Variants in FGF14 observed in about 807,000 individuals in gnomAD.
The protein encoded by FGF14 is fibroblast growth factor 14, also known as fibroblast growth factor homologous factor 4.
Under a neutral mutation model 25.5 loss-of-function variants are expected in FGF14, and 5 were observed. The ratio of observed to expected loss-of-function variants is 0.20; its 90% CI spans 0.10 to 0.41. The LOEUF (loss-of-function observed/expected upper bound fraction) is 0.41. Ranked by LOEUF, FGF14 falls within the 10% of genes least tolerant of loss-of-function variation. The pLI is 1.00. For synonymous variants in FGF14, 138 were observed against 118.3 expected (o/e 1.17, Z -1.08); for missense variants, 222 against 320.1 (o/e 0.69, Z 2.34).
chr13:101,984,768 C>T (rs750705707), intron 1 of FGF14, among the ~76,000 whole-genome samples: 18 of 152,112 alleles, frequency 1.2e-4, no homozygotes, highest in Non-Finnish European at 2.2e-4. Context: ...CTAAATTACA[C>T]TGAAGACAAG....
chr13:102,191,222 A>T (rs968828853), intron 1 of FGF14, among the ~76,000 whole-genome samples: 7 of 152,248 alleles, frequency 4.6e-5, no homozygotes, highest in African/African-American at 1.7e-4. Context: ...AGGCATCTAT[A>T]AAATTTGGGC....
chr13:102,340,382 T>C (rs184675252), intron 1 of FGF14, among the ~76,000 whole-genome samples: 4 of 152,180 alleles, frequency 2.6e-5, no homozygotes, highest in Admixed American at 2.0e-4. Flanking sequence ...TCTTTTGAGT[T>C]ACATCTAGGA....
intron 3 of FGF14, among the ~76,000 whole-genome samples, chr13:101,778,167 T>C (rs911116280): frequency 2.0e-5 from 3 of 152,162 alleles, no homozygotes; most frequent in African/African-American, 7.2e-5. Flanking sequence ...GTGGTTATAA[T>C]GTTATTTTAC....
chr13:102,191,150 A>C (rs1273704139), intron 1 of FGF14, among the ~76,000 whole-genome samples: 2 of 152,190 alleles, frequency 1.3e-5, no homozygotes, highest in African/African-American at 4.8e-5. Context: ...CCTTGTAAAC[A>C]ACCTTTCCCC....
intron 1 of FGF14, among the ~76,000 whole-genome samples, chr13:101,972,736 C>G (rs1051648665): frequency 6.6e-6 from 1 of 152,134 alleles, no homozygotes; most frequent in Non-Finnish European, 1.5e-5. Context: ...CTCGAACTCC[C>G]CAGCTCAAGC....
intron 1 of FGF14, among the ~76,000 whole-genome samples, chr13:102,220,581 C>G (rs1226922090): frequency 6.6e-6 from 1 of 152,202 alleles, no homozygotes; most frequent in East Asian, 1.9e-4. Flanking sequence ...CTTAGTTAGT[C>G]TTCCCTGTCT....
chr13:102,329,565 C>G (rs746836435), intron 1 of FGF14, among the ~76,000 whole-genome samples: 1 of 152,108 alleles, frequency 6.6e-6, no homozygotes, highest in African/African-American at 2.4e-5. Context: ...ATCAATCTAC[C>G]CAAGAGTATT....
At chr13:102,054,173 C>T (rs55978317) in intron 1 of FGF14, among the ~76,000 whole-genome samples, 7,858 of 152,144 alleles carry the variant, frequency 0.052, 228 homozygotes, top group Middle Eastern at 0.065. Context: ...AATACTGAGT[C>T]ACTTTTTAAA....
At chr13:102,394,056 TGTA>T (rs2058501605) in intron 1 of FGF14, among the ~76,000 whole-genome samples, 1 of 152,312 alleles carries the variant, frequency 6.6e-6, no homozygotes, top group Admixed American at 6.5e-5. Flanking sequence ...ATATCCTTCT[TGTA>T]GTAGCCGAGG....
In FGF14 at chr13:101,847,441, A is replaced by G. The variant is rs545263771; in HGVS notation, c.408+21284T>C. On this transcript the variant is annotated intron_variant, in intron 3 of 4. Coordinates refer to ENST00000376143, the MANE Select transcript of FGF14 (RefSeq NM_004115.4). Reference sequence around the variant, plus strand: ...CTTAGCTCTTTTATCTCTGAATCAGAAATGGGAACAAATGTAATAGACAGT... The same window carrying G: ...CTTAGCTCTTTTATCTCTGAATCAGGAATGGGAACAAATGTAATAGACAGT... Among the ~76,000 whole-genome samples, 8 of 152,232 alleles carry G rather than the reference A, an allele frequency of 5.3e-5. No individual in the cohort carries two copies. The South Asian group carries it at 1.7e-3, about 32-fold the overall frequency.
intron 1 of FGF14, among the ~76,000 whole-genome samples, chr13:102,001,625 T>G (rs1445612694): frequency 6.6e-6 from 1 of 152,192 alleles, no homozygotes; most frequent in African/African-American, 2.4e-5. Context: ...ATATACTATT[T>G]ACATTACATT....
intron 3 of FGF14, among the ~76,000 whole-genome samples, chr13:101,856,122 G>GA (rs1440482917): frequency 6.6e-6 from 1 of 151,546 alleles, no homozygotes; most frequent in African/African-American, 2.4e-5. Flanking sequence ...GGCATCTGTG[G>GA]AAAAAATTTC....
Position 101,875,183 on chromosome 13 carries a change from T to C in FGF14, c.304+3A>G, listed in dbSNP as rs1377395564. The C allele has an allele frequency of 6.2e-7, 1 of 1,604,994 alleles. No individual in the cohort carries two copies. The highest frequency in any genetic ancestry group is 1.3e-5 in the African/African-American group (1 of 74,858). On this transcript the variant is annotated splice_donor_region_variant and intron_variant, in intron 2 of 4. Transcript: ENST00000376143. ...TAACTGGTGGCCTGAGGTTGTCACT[T>C]ACTAGAATTAGTGCTGTCATCCTTG...
intron 1 of FGF14, among the ~76,000 whole-genome samples, chr13:101,899,468 T>C (rs1425185807): frequency 1.3e-5 from 2 of 151,896 alleles, no homozygotes; most frequent in South Asian, 2.1e-4. Context: ...AAAAATATAA[T>C]ACTGGAAAGG....
rs2140401550 is a variant in FGF14, at chr13:101,858,857, A to G, written c.408+9868T>C. Among the ~76,000 whole-genome samples, 3 of 152,222 alleles carry G rather than the reference A, an allele frequency of 2.0e-5. No homozygotes were observed. The South Asian group carries it at 6.2e-4, about 32-fold the overall frequency. On this transcript the variant is annotated intron_variant, in intron 3 of 4. Coordinates refer to ENST00000376143, the MANE Select transcript of FGF14 (RefSeq NM_004115.4). ...TAATGCTCTTGCTTTAAAACGTTCA[A>G]GTTTAAGTGGTGGCAACATTTACTA...
At chr13:102,171,675 TC>T (rs1421309271) in intron 1 of FGF14, among the ~76,000 whole-genome samples, 1 of 152,166 alleles carries the variant, frequency 6.6e-6, no homozygotes, top group African/African-American at 2.4e-5. Context: ...GACAGTGCAT[TC>T]TTTTTTTCTG....
At chr13:101,996,168 T>C (rs1322450565) in intron 1 of FGF14, among the ~76,000 whole-genome samples, 1 of 152,106 alleles carries the variant, frequency 6.6e-6, no homozygotes, top group Non-Finnish European at 1.5e-5. Flanking sequence ...TAAAAATAAA[T>C]AAAATCTTAT....
At chr13:102,190,163 C>G (rs1481283364) in intron 1 of FGF14, among the ~76,000 whole-genome samples, 1 of 152,204 alleles carries the variant, frequency 6.6e-6, no homozygotes, top group Non-Finnish European at 1.5e-5. Flanking sequence ...GAAACTTCCT[C>G]TAGTTGTTTC....
chr13:101,777,382 G>A (rs1027958477), intron 3 of FGF14, among the ~76,000 whole-genome samples: 4 of 152,116 alleles, frequency 2.6e-5, no homozygotes, highest in African/African-American at 9.7e-5. Flanking sequence ...TTATTAAGAT[G>A]CCAGCCTTTG....
Sources: gnomAD v4.1 joint callset for allele counts (sites outside exome capture counted in the v4.1 genomes callset) on GRCh38, gnomAD v4.1.1 for gene constraint, MANE v1.5 for transcripts, NCBI Gene and HGNC (gene_info 2026-07-23, HGNC 2026-07-21) for gene names.